CHRM3: variants seen among roughly 807,000 people sequenced by gnomAD.
The protein encoded by CHRM3 is muscarinic acetylcholine receptor M3.
CHRM3 carries 11 observed loss-of-function variants against 41.8 expected under a neutral mutation model. The observed-to-expected ratio is 0.26, with a 90% CI of 0.17 to 0.44. The LOEUF is 0.44. CHRM3 is among the 20% of genes least tolerant of loss of function. CHRM3 has a pLI of 1.00. For synonymous variants in CHRM3, 297 were observed against 301.4 expected (o/e 0.99, Z 0.15); for missense variants, 571 against 745.4 (o/e 0.77, Z 2.72).
chr1:239,425,972 C>T (rs1384680342), intron 1 of CHRM3, among the ~76,000 whole-genome samples: 1 of 151,980 alleles, frequency 6.6e-6, no homozygotes, highest in African/African-American at 2.4e-5. Context: ...CTTTTTTTTC[C>T]AGTAAGGCTA....
At chr1:239,619,622 G>T (rs1056062565) in intron 3 of CHRM3, among the ~76,000 whole-genome samples, 18 of 152,068 alleles carry the variant, frequency 1.2e-4, no homozygotes, top group African/African-American at 4.3e-4. Context: ...CTGTTTTTCT[G>T]GTTTGTGGCG....
intron 5 of CHRM3, among the ~76,000 whole-genome samples, chr1:239,810,947 A>G (rs1178601742): frequency 6.6e-6 from 1 of 152,230 alleles, no homozygotes; most frequent in Non-Finnish European, 1.5e-5. Flanking sequence ...CGGCTTCCAA[A>G]GAAATCCTTG....
chr1:239,475,551 A>T (rs949276099), intron 1 of CHRM3, among the ~76,000 whole-genome samples: 6 of 152,286 alleles, frequency 3.9e-5, no homozygotes, highest in African/African-American at 1.4e-4. Context: ...AGTAAATCTA[A>T]TGTAGTATCC....
chr1:239,896,957 T>TA (rs1321054111), intron 6 of CHRM3, among the ~76,000 whole-genome samples: 1 of 152,234 alleles, frequency 6.6e-6, no homozygotes, highest in Non-Finnish European at 1.5e-5. Context: ...GAATTGATTT[T>TA]ACCATTTTTG....
intron 1 of CHRM3, among the ~76,000 whole-genome samples, chr1:239,433,749 A>T (rs1351825243): frequency 6.6e-6 from 1 of 152,158 alleles, no homozygotes; most frequent in African/African-American, 2.4e-5. Context: ...TTAGAATAGT[A>T]GTCTCCAGTT....
In CHRM3 at chr1:239,908,667, G is replaced by A. The variant is rs201696651; in HGVS notation, c.1216G>A (p.Asp406Asn). The change falls in exon 7 of 7, where the codon GAC becomes AAC. Residue 406 changes from aspartate (D) to asparagine (N), a missense_variant. By Grantham distance (23) the Asp-to-Asn change is conservative. Around this residue, in one of 5 missense-constraint regions of CHRM3, gnomAD observed 239 missense variants for 239.6 expected, o/e 1.00. Coordinates refer to ENST00000676153, the MANE Select transcript of CHRM3 (RefSeq NM_001375978.1). This position sits in a 1 kb window ranked among gnomAD's most constrained non-coding sequence, Gnocchi z 7.2. Reference sequence around the variant, plus strand: ...GATGGTGGACTTGGAGAGGAAAGCCGACAAGCTGCAGGCCCAGAAGAGCGT... The same window carrying A: ...GATGGTGGACTTGGAGAGGAAAGCCAACAAGCTGCAGGCCCAGAAGAGCGT... Reference protein sequence around the residue: ...LGMVDLERKADKLQAQKSVDD... With the variant: ...LGMVDLERKANKLQAQKSVDD... 17 of 1,612,756 alleles carry A rather than the reference G, an allele frequency of 1.1e-5. No homozygotes were observed. Among genetic ancestry groups the A allele is most frequent in the African/African-American group, 5.3e-5 (4 of 75,006 alleles).
intron 1 of CHRM3, among the ~76,000 whole-genome samples, chr1:239,481,703 G>A (rs750811952): frequency 2.6e-4 from 40 of 152,280 alleles, no homozygotes; most frequent in Middle Eastern, 3.4e-3. Context: ...ATGTAGTGTG[G>A]GAGATGATAT....
chr1:239,453,119 A>G (rs1441514571), intron 1 of CHRM3, among the ~76,000 whole-genome samples: 2 of 152,190 alleles, frequency 1.3e-5, no homozygotes, highest in Non-Finnish European at 2.9e-5. Context: ...TTCTAATTAT[A>G]TGCTGGGGGA....
In CHRM3 at chr1:239,663,512, A is replaced by G. The variant is rs543813198; in HGVS notation, c.-249-14674A>G. Among the ~76,000 whole-genome samples the G allele has an allele frequency of 9.2e-5, 14 of 152,304 alleles. No individual in the cohort carries two copies. In the South Asian group the frequency reaches 2.9e-3, roughly 32 times the overall value. ...TGGGATGGAGTCCTAAGAGAAAGGA[A>G]GAATACACACTAGTAAATTAATTTG... On this transcript the variant is annotated intron_variant, in intron 4 of 6. Transcript: ENST00000676153.
intron 1 of CHRM3, among the ~76,000 whole-genome samples, chr1:239,403,980 A>G (rs1383524047): frequency 1.0e-5 from 1 of 98,820 alleles, no homozygotes; most frequent in Non-Finnish European, 2.1e-5. Flanking sequence ...GGAGGGGGAG[A>G]GAGAGAGAGA....
intron 2 of CHRM3, among the ~76,000 whole-genome samples, chr1:239,520,864 A>G (rs984638726): frequency 2.0e-5 from 3 of 152,174 alleles, no homozygotes; most frequent in Non-Finnish European, 4.4e-5. Context: ...AATTTAAGGC[A>G]TTTTGTACAT....
intron 1 of CHRM3, among the ~76,000 whole-genome samples, chr1:239,451,626 C>T (rs1199851623): frequency 1.3e-5 from 2 of 152,114 alleles, no homozygotes; most frequent in Non-Finnish European, 2.9e-5. Context: ...TTTTTTTAAT[C>T]AGATTTTCAA....
chr1:239,899,102 A>G (rs1322515952), intron 6 of CHRM3, among the ~76,000 whole-genome samples: 2 of 152,256 alleles, frequency 1.3e-5, no homozygotes, highest in East Asian at 3.9e-4. Flanking sequence ...TACGTACATC[A>G]TGACTATAGA....
At chr1:239,537,304 C>T (rs1272700656) in intron 2 of CHRM3, among the ~76,000 whole-genome samples, 1 of 152,052 alleles carries the variant, frequency 6.6e-6, no homozygotes, top group Non-Finnish European at 1.5e-5. Context: ...GCAGGCTGTA[C>T]AGGAAGGATA....
At chr1:239,673,738 C>T (rs573314848) in intron 4 of CHRM3, among the ~76,000 whole-genome samples, 1 of 151,964 alleles carries the variant, frequency 6.6e-6, no homozygotes, top group African/African-American at 2.4e-5. Flanking sequence ...ATTTTATATT[C>T]TGCTTTTGTT....
intron 6 of CHRM3, among the ~76,000 whole-genome samples, chr1:239,849,526 TA>T (rs1674529096): frequency 6.6e-6 from 1 of 152,168 alleles, no homozygotes; most frequent in Non-Finnish European, 1.5e-5. Flanking sequence ...TAAAATATAA[TA>T]AAAATATAAC....
intron 6 of CHRM3, among the ~76,000 whole-genome samples, chr1:239,844,527 G>A (rs1674104870): frequency 6.6e-6 from 1 of 152,162 alleles, no homozygotes; most frequent in Non-Finnish European, 1.5e-5. Context: ...GCCCTAAGAA[G>A]TAGCACTGGG....
intron 3 of CHRM3, among the ~76,000 whole-genome samples, chr1:239,561,270 C>T (rs1660832661): frequency 2.0e-5 from 3 of 152,202 alleles, no homozygotes; most frequent in African/African-American, 7.2e-5. Context: ...CCTACAGGGG[C>T]TTTCAAAATA....
chr1:239,442,074 C>G (rs1013552085), intron 1 of CHRM3, among the ~76,000 whole-genome samples: 2 of 152,138 alleles, frequency 1.3e-5, no homozygotes, highest in African/African-American at 4.8e-5. Flanking sequence ...TGCTTCAGTT[C>G]CACAGCAGGG....
Sources: gnomAD v4.1 joint callset for allele counts (sites outside exome capture counted in the v4.1 genomes callset) on GRCh38, gnomAD v4.1.1 for gene constraint, gnomAD v4.1.1 regional missense constraint, Gnocchi (gnomAD v3.1) non-coding constraint, MANE v1.5 for transcripts, NCBI Gene and HGNC (gene_info 2026-07-23, HGNC 2026-07-21) for gene names.